The following POM121 variants were observed in gnomAD, a reference collection of about 807,000 sequenced individuals.
POM121 encodes the protein nuclear envelope pore membrane protein POM 121.
POM121 carries 32 observed loss-of-function variants against 81.3 expected under a neutral mutation model. That is an observed-to-expected ratio of 0.39 (90% CI 0.30 to 0.53). The LOEUF is 0.53. POM121 is among the 20% of genes least tolerant of loss of function. The probability of loss-of-function intolerance (pLI) is 0.66; values close to 1 mark genes in which losing one functional copy is unlikely to be tolerated. For missense variants in POM121, 1,138 were observed against 1,614.6 expected (o/e 0.70, Z 5.06); for synonymous variants, 514 against 694.2 (o/e 0.74, Z 4.08).
At chr7:72,898,686 T>A (rs1238594929) in intron 3 of POM121, among the ~76,000 whole-genome samples, 1 of 150,694 alleles carries the variant, frequency 6.6e-6, no homozygotes, top group African/African-American at 2.4e-5. Flanking sequence ...TAATCCCAGG[T>A]ACTCGGTAGG....
intron 4 of POM121, among the ~76,000 whole-genome samples, chr7:72,916,713 T>C (rs1346598724): frequency 6.6e-6 from 1 of 152,242 alleles, no homozygotes; most frequent in African/African-American, 2.4e-5. Flanking sequence ...AAGTCAGTGG[T>C]AGCTTGTTGG....
rs565705820 is a variant in POM121 at position 72,899,739 on chromosome 7, C to T, written c.-216+8629C>T. On this transcript the variant is annotated intron_variant, in intron 3 of 15. Transcript: ENST00000395270. The stretch of plus-strand genomic sequence containing the variant: ...GACTACAGGCATGTGCCACCACGCC[C>T]GGCTAATTTTTTTCTATTTTTAGTA... Among the ~76,000 whole-genome samples the T allele has an allele frequency of 3.3e-5, 5 of 151,894 alleles. No individual in the cohort carries two copies. The East Asian group carries it at 9.7e-4, about 30-fold the overall frequency.
rs1336478793 is a variant in POM121 at position 72,926,138 on chromosome 7, C to G, written c.645-124C>G. On this transcript the variant is annotated intron_variant, in intron 1 of 12. Transcript: ENST00000434423. The stretch of plus-strand genomic sequence containing the variant: ...AAAGTTGCCATAAAAACACCGTGTT[C>G]TGTGTTGCTTAGAAAGAGACTTAAG... The G allele has an allele frequency of 2.3e-5, 24 of 1,043,716 alleles. No homozygotes were observed. The African/African-American group carries it at 3.7e-4, about 16-fold the overall frequency. 64.7% of individuals were successfully genotyped at this position (1,043,716 alleles called of 1,614,324 possible). A position where few individuals can be genotyped will look rare whatever the true frequency, so the allele number is the denominator to read the frequency against.
chr7:72,908,580 G>A lies in POM121; in HGVS notation c.-215-5185G>A, dbSNP rs530567754. On this transcript the variant is annotated intron_variant, in intron 3 of 15. Coordinates refer to the POM121 transcript ENST00000395270. ...AAATTTATTAGGCGGGAATTTCCTCGTCCTAATATGCCTGGGAGTGCTATG... is the reference window on the plus strand; with the variant it reads ...AAATTTATTAGGCGGGAATTTCCTCATCCTAATATGCCTGGGAGTGCTATG... 6.6e-4 allele frequency among the ~76,000 whole-genome samples: 100 copies of A among 152,240 alleles called. 1 individual carries two copies. The highest frequency in any genetic ancestry group is 2.3e-3 in the African/African-American group (97 of 41,546).
intron 5 of POM121, among the ~76,000 whole-genome samples, chr7:72,937,042 G>A (rs1280050528): frequency 3.9e-5 from 6 of 151,964 alleles, no homozygotes; most frequent in Non-Finnish European, 7.4e-5. Flanking sequence ...AGATCACGAG[G>A]TCAAGAGATC....
At chr7:72,918,757 C>T (rs1383304134) in intron 4 of POM121, among the ~76,000 whole-genome samples, 2 of 152,024 alleles carry the variant, frequency 1.3e-5, no homozygotes, top group Non-Finnish European at 2.9e-5. Flanking sequence ...GCTGTGTCCT[C>T]ATGTGACCTT....
intron 1 of POM121, 53 bp downstream of exon 1, chr7:72,925,818 C>A: frequency 7.7e-7 from 1 of 1,306,450 alleles, no homozygotes; most frequent in Non-Finnish European, 9.7e-7. Context: ...GGCTTGAAAT[C>A]GAGGACTTGA....
chr7:72,904,458 G>C (rs1793034442), intron 3 of POM121, among the ~76,000 whole-genome samples: 1 of 152,300 alleles, frequency 6.6e-6, no homozygotes, highest in Admixed American at 6.5e-5. Context: ...TCTGGGTTAG[G>C]TGAAACAAAG....
chr7:72,895,646 G>A (rs1404129363), intron 3 of POM121, among the ~76,000 whole-genome samples: 1 of 152,252 alleles, frequency 6.6e-6, no homozygotes, highest in East Asian at 1.9e-4. Context: ...TAGGCCGGGC[G>A]CAGTGGCTCA....
chr7:72,922,409 T>C (rs6460040), upstream of POM121, among the ~76,000 whole-genome samples: 106,112 of 151,952 alleles, frequency 0.7, 37,282 homozygotes, highest in East Asian at 0.75. Context: ...TTTGGGGGGA[T>C]GGAGTCTCAC....
At chr7:72,924,195 C>G (rs2129577572), upstream of POM121, among the ~76,000 whole-genome samples, 1 of 152,122 alleles carries the variant, frequency 6.6e-6, no homozygotes, top group Non-Finnish European at 1.5e-5. Context: ...ATCCGCCCAC[C>G]CCGGCCTCCC....
intron 1 of POM121, among the ~76,000 whole-genome samples, chr7:72,881,211 T>C (rs1333258936): frequency 1.3e-3 from 192 of 152,042 alleles, no homozygotes; most frequent in African/African-American, 4.3e-3. Context: ...ACTACAGGCA[T>C]GTGACACTAT....
At chr7:72,936,392 C>G (rs1446887830) in intron 5 of POM121, among the ~76,000 whole-genome samples, 1 of 151,830 alleles carries the variant, frequency 6.6e-6, no homozygotes, top group Non-Finnish European at 1.5e-5. Flanking sequence ...ATTCTCCTGC[C>G]TCAGACTCCC....
In POM121 at chr7:72,893,156, G is replaced by A. The variant is rs548060643; in HGVS notation, c.-216+2046G>A. ...TATTTTTAGTAGAGACGGGGTTTCAGTCTGTTGGCCAGGAGTTCTCTGTTG... is the reference window on the plus strand; with the variant it reads ...TATTTTTAGTAGAGACGGGGTTTCAATCTGTTGGCCAGGAGTTCTCTGTTG... On this transcript the variant is annotated intron_variant, in intron 3 of 15. Coordinates refer to the POM121 transcript ENST00000395270. Among the ~76,000 whole-genome samples the A allele has an allele frequency of 2.3e-4, 35 of 152,068 alleles. No individual in the cohort carries two copies. The East Asian group carries it at 5.3e-3, about 23-fold the overall frequency.
At chr7:72,905,656 C>T (rs1406420266) in intron 3 of POM121, among the ~76,000 whole-genome samples, 3 of 152,226 alleles carry the variant, frequency 2.0e-5, no homozygotes, top group African/African-American at 7.2e-5. Flanking sequence ...GCCAAGATTG[C>T]ACCTCTGCAC....
intron 3 of POM121, among the ~76,000 whole-genome samples, chr7:72,900,867 A>G (rs530487562): frequency 1.4e-5 from 2 of 145,176 alleles, no homozygotes; most frequent in South Asian, 4.4e-4. Context: ...CTCTTTTTCT[A>G]GTTTCTTAAA....
chr7:72,946,366 G>T lies in POM121; in HGVS notation c.*132G>T. 1 of 1,442,266 alleles carries T rather than the reference G, an allele frequency of 6.9e-7. No individual in the cohort carries two copies. Among genetic ancestry groups the T allele is most frequent in the Non-Finnish European group, 9.1e-7 (1 of 1,093,786 alleles). The allele number at this position is 1,442,266 out of a possible 1,614,324, so 89.3% of individuals were successfully genotyped here. The stretch of plus-strand genomic sequence containing the variant: ...CGGATCTCTGGCTTCAGCCGCCAGG[G>T]GGCAGTGGCAGCCCTGGGGCCCTTT... On this transcript the variant is annotated 3_prime_UTR_variant, in exon 13 of 13. Transcript: ENST00000434423.
chr7:72,888,805 A>G (rs564382568), intron 1 of POM121, among the ~76,000 whole-genome samples: 6 of 152,244 alleles, frequency 3.9e-5, no homozygotes, highest in African/African-American at 1.4e-4. Context: ...ATATTTGTGT[A>G]TATAATAATA....
chr7:72,924,483 A>G (rs1393012389), upstream of POM121: 3 of 152,192 alleles, frequency 2.0e-5, no homozygotes, highest in African/African-American at 4.8e-5. Context: ...TGGTGCAATC[A>G]CCACCACAAT....
Sources: allele counts gnomAD v4.1 joint callset (sites outside exome capture counted in the v4.1 genomes callset), GRCh38; gene constraint gnomAD v4.1.1; transcripts MANE v1.5; gene names NCBI Gene and HGNC (gene_info 2026-07-23, HGNC 2026-07-21).